Variants in PPP1R9A observed in about 807,000 individuals in gnomAD.
The protein encoded by PPP1R9A is protein phosphatase 1 regulatory subunit 9A, also known as neurabin-1.
Under a neutral mutation model 141.9 loss-of-function variants are expected in PPP1R9A, and 59 were observed. The observed-to-expected ratio is 0.42, with a 90% CI of 0.34 to 0.52. The LOEUF (loss-of-function observed/expected upper bound fraction) is 0.52, where lower values mean the gene tolerates loss of function less well. Ranked by LOEUF, PPP1R9A falls within the 20% of genes least tolerant of loss-of-function variation. PPP1R9A has a pLI of 0.10. For missense variants in PPP1R9A, 1,444 were observed against 1,611.9 expected, an observed-to-expected ratio of 0.90 and a Z score of 1.78; for synonymous variants, 500 against 569.7, an observed-to-expected ratio of 0.88 and a Z score of 1.74.
intron 7 of PPP1R9A, among the ~76,000 whole-genome samples, chr7:95,210,077 G>GA (rs796432714): frequency 4.6e-5 from 7 of 152,144 alleles, no homozygotes; most frequent in African/African-American, 1.7e-4. Flanking sequence ...ATCTCAGTGG[G>GA]AAAAAAGATC....
In PPP1R9A at chr7:94,985,417, G is replaced by T. The variant is rs144993325; in HGVS notation, c.1395+73909G>T. Among the ~76,000 whole-genome samples, 41 of 152,268 alleles carry T rather than the reference G, an allele frequency of 2.7e-4. No individual in the cohort carries two copies. The East Asian group carries it at 7.7e-3, about 29-fold the overall frequency. ...CTCGTTGATCTGTCTAATATTCACA[G>T]TGGGGTATTAAAGTCTCCCATTATT... On this transcript the variant is annotated intron_variant, in intron 2 of 19. Transcript: ENST00000433360.
chr7:95,132,316 G>C (rs1025568505), intron 4 of PPP1R9A, among the ~76,000 whole-genome samples: 1 of 152,116 alleles, frequency 6.6e-6, no homozygotes, highest in African/African-American at 2.4e-5. Context: ...AATGTTGACT[G>C]TGGGTTTATC....
chr7:95,252,621 C>G (rs1273879418), intron 12 of PPP1R9A, among the ~76,000 whole-genome samples: 2 of 152,002 alleles, frequency 1.3e-5, no homozygotes, highest in Non-Finnish European at 2.9e-5. Context: ...GCATGTGCTA[C>G]CACGTCTGGC....
chr7:94,926,076 C>G (rs1793446000), intron 2 of PPP1R9A, among the ~76,000 whole-genome samples: 1 of 152,178 alleles, frequency 6.6e-6, no homozygotes, highest in East Asian at 1.9e-4. Context: ...GATCCTCCCA[C>G]CTCAGCCTCT....
At chr7:95,067,005 G>A (rs991648319) in intron 2 of PPP1R9A, among the ~76,000 whole-genome samples, 5 of 152,180 alleles carry the variant, frequency 3.3e-5, no homozygotes, top group Admixed American at 6.5e-5. Context: ...GGATTTCTCC[G>A]TTTTAACAAA....
At chr7:95,104,640 TC>T (rs1451174072) in intron 2 of PPP1R9A, among the ~76,000 whole-genome samples, 1 of 152,096 alleles carries the variant, frequency 6.6e-6, no homozygotes, top group Non-Finnish European at 1.5e-5. Flanking sequence ...CCTAACATAC[TC>T]CCGGGCACAC....
At chr7:95,142,337 A>G (rs1308231886) in intron 4 of PPP1R9A, among the ~76,000 whole-genome samples, 1 of 152,110 alleles carries the variant, frequency 6.6e-6, no homozygotes, top group African/African-American at 2.4e-5. Flanking sequence ...CCTTAGAAAC[A>G]TAAAATATTT....
intron 8 of PPP1R9A, among the ~76,000 whole-genome samples, chr7:95,234,303 A>G (rs1796379662): frequency 2.0e-5 from 3 of 152,332 alleles, no homozygotes; most frequent in Admixed American, 2.0e-4. Context: ...AAAAGTTCCT[A>G]GAACTGGTAA....
intron 2 of PPP1R9A, among the ~76,000 whole-genome samples, chr7:94,991,777 G>A (rs781578919): frequency 5.3e-4 from 80 of 152,084 alleles, no homozygotes; most frequent in Middle Eastern, 3.4e-3. Context: ...TCAGCCTTCC[G>A]AGTAGCTGGG....
chr7:94,914,031 TTCTA>T (rs1791765737), intron 2 of PPP1R9A, among the ~76,000 whole-genome samples: 1 of 152,206 alleles, frequency 6.6e-6, no homozygotes, highest in African/African-American at 2.4e-5. Flanking sequence ...TGCAACCATT[TTCTA>T]TCTGTGTTTC....
chr7:95,235,334 TC>T (rs2152974416), intron 8 of PPP1R9A, among the ~76,000 whole-genome samples: 1 of 151,730 alleles, frequency 6.6e-6, no homozygotes, highest in East Asian at 1.9e-4. Flanking sequence ...AAACAAACAA[TC>T]CCATCAAAAA....
chr7:95,209,124 A>G (rs539237230), intron 7 of PPP1R9A, among the ~76,000 whole-genome samples: 1 of 152,288 alleles, frequency 6.6e-6, no homozygotes, highest in Non-Finnish European at 1.5e-5. Context: ...GTGGTTATAT[A>G]ATTATTCATT....
rs11971031 is a variant in PPP1R9A, at chr7:94,921,951, C to A, written c.1395+10443C>A. 1.1e-3 allele frequency among the ~76,000 whole-genome samples: 162 copies of A among 151,950 alleles called. 1 individual carries two copies. The highest frequency in any genetic ancestry group is 3.8e-3 in the African/African-American group (156 of 41,450). ...CCACACTCCAGCCTGGGCAACAGAG[C>A]AAGACCCTGTTTCAAAAAAGAAAAA... is the stretch of plus-strand genomic sequence containing the variant. On this transcript the variant is annotated intron_variant, in intron 2 of 19. Coordinates refer to ENST00000433360, the MANE Select transcript of PPP1R9A (RefSeq NM_001166160.2).
intron 2 of PPP1R9A, among the ~76,000 whole-genome samples, chr7:94,976,121 C>T (rs1337634208): frequency 6.6e-6 from 1 of 152,014 alleles, no homozygotes; most frequent in East Asian, 1.9e-4. Flanking sequence ...TTAAAAGAGA[C>T]TGATAAGGGC....
intron 4 of PPP1R9A, among the ~76,000 whole-genome samples, chr7:95,157,986 G>T (rs1236990496): frequency 6.6e-6 from 1 of 152,040 alleles, no homozygotes; most frequent in African/African-American, 2.4e-5. Context: ...AACTAATTAG[G>T]AAGAGCAAAG....
At chr7:94,934,840 G>A (rs79175951) in intron 2 of PPP1R9A, among the ~76,000 whole-genome samples, 3,625 of 148,444 alleles carry the variant, frequency 0.024, 159 homozygotes, top group African/African-American at 0.088. Flanking sequence ...GTATATGTAC[G>A]TATACATACA....
At chr7:95,063,237 G>A (rs890857592) in intron 2 of PPP1R9A, among the ~76,000 whole-genome samples, 3 of 152,100 alleles carry the variant, frequency 2.0e-5, no homozygotes, top group African/African-American at 7.2e-5. Flanking sequence ...AACTAATCTT[G>A]TGTGACCCTG....
intron 2 of PPP1R9A, among the ~76,000 whole-genome samples, chr7:94,936,783 A>T (rs1794815279): frequency 6.6e-6 from 1 of 152,102 alleles, no homozygotes; most frequent in South Asian, 2.1e-4. Flanking sequence ...GTAAAACATT[A>T]ATTCTGTAAT....
intron 8 of PPP1R9A, among the ~76,000 whole-genome samples, chr7:95,235,351 C>T (rs1341970514): frequency 6.6e-6 from 1 of 152,058 alleles, no homozygotes; most frequent in Non-Finnish European, 1.5e-5. Flanking sequence ...AAAAAGTGGG[C>T]TAAGGACATG....
Sources: allele counts gnomAD v4.1 joint callset (sites outside exome capture counted in the v4.1 genomes callset), GRCh38; gene constraint gnomAD v4.1.1; transcripts MANE v1.5; gene names NCBI Gene and HGNC (gene_info 2026-07-23, HGNC 2026-07-21).